Variants in RFPL1 observed in about 807,000 individuals in gnomAD.
RFPL1 encodes ret finger protein like 1.
Under a neutral mutation model 9.6 loss-of-function variants are expected in RFPL1, and 6 were observed. That is an observed-to-expected ratio of 0.62 (90% CI 0.34 to 1.23). RFPL1 has a LOEUF of 1.23. Ranked by LOEUF, RFPL1 falls within the 50% of genes most tolerant of loss-of-function variation. The pLI is 0.03. For missense variants in RFPL1, 352 were observed against 398.4 expected (o/e 0.88, Z 0.99); for synonymous variants, 145 against 149.4 (o/e 0.97, Z 0.22).
At chr22:29,441,805 C>A (rs753907886) in exon 2 of RFPL1, 19 of 1,613,782 alleles carry the variant, frequency 1.2e-5, no homozygotes, top group Non-Finnish European at 1.6e-5. Context: ...GACCACAGAG[C>A]GTGGATTCTG....
At chr22:29,397,822 T>C in the RFPL1 span, among the ~76,000 whole-genome samples, 28 of 152,306 alleles carry the variant, frequency 1.8e-4, no homozygotes, top group Middle Eastern at 3.4e-3. Flanking sequence ...AGCTTCCATC[T>C]GGGGCTGAGC....
At chr22:29,408,094 T>C in the RFPL1 span, among the ~76,000 whole-genome samples, 4 of 152,188 alleles carry the variant, frequency 2.6e-5, no homozygotes, top group African/African-American at 9.7e-5. Context: ...CACTACAATT[T>C]GAAAAACACA....
At chr22:29,436,814 C>T (rs867317844), upstream of RFPL1, 5 of 152,024 alleles carry the variant, frequency 3.3e-5, no homozygotes, top group African/African-American at 7.2e-5. Context: ...TATTTAAAGC[C>T]GACCAAAATT....
chr22:29,430,440 T>C, the RFPL1 span, among the ~76,000 whole-genome samples: 1 of 152,172 alleles, frequency 6.6e-6, no homozygotes, highest in African/African-American at 2.4e-5. Context: ...ATGTATACTT[T>C]TATATTTATA....
At chr22:29,439,970 G>A (rs1033766713) in intron 1 of RFPL1, 3 of 152,276 alleles carry the variant, frequency 2.0e-5, no homozygotes, top group Non-Finnish European at 2.9e-5. Flanking sequence ...CTGTGAGTGG[G>A]GCGAGTTGCA....
chr22:29,411,502 A>G, the RFPL1 span, among the ~76,000 whole-genome samples: 1 of 85,916 alleles, frequency 1.2e-5, no homozygotes. Flanking sequence ...AGTAGGATTC[A>G]TGCATTTTAT....
At chr22:29,427,077 T>A in the RFPL1 span, among the ~76,000 whole-genome samples, 1 of 152,210 alleles carries the variant, frequency 6.6e-6, no homozygotes, top group Non-Finnish European at 1.5e-5. Flanking sequence ...GGGGTGGCTG[T>A]GATTAAGTTC....
chr22:29,390,986 C>T, the RFPL1 span, among the ~76,000 whole-genome samples: 1 of 150,814 alleles, frequency 6.6e-6, no homozygotes, highest in Non-Finnish European at 1.5e-5. Flanking sequence ...CTAAAAAATA[C>T]AAAAAATTAG....
At chr22:29,411,612 T>C in the RFPL1 span, among the ~76,000 whole-genome samples, 4 of 152,042 alleles carry the variant, frequency 2.6e-5, no homozygotes, top group African/African-American at 9.7e-5. Flanking sequence ...CTTGTGTAGA[T>C]ATCTCTAGAA....
chr22:29,437,953 AT>A (rs3044138), upstream of RFPL1: 17,333 of 260,230 alleles, frequency 0.067, 25 homozygotes, highest in South Asian at 0.087. Flanking sequence ...GAAGGATGTG[AT>A]TTTTTTTTTT....
the RFPL1 span, chr22:29,423,137 TG>T: frequency 6.6e-7 from 1 of 1,513,392 alleles, no homozygotes; most frequent in Non-Finnish European, 9.2e-7. Context: ...TTCTTGGTCG[TG>T]GTGAAATATT....
At chr22:29,442,136 A>G in exon 2 of RFPL1, 3 of 1,506,348 alleles carry the variant, frequency 2.0e-6, no homozygotes, top group Non-Finnish European at 2.7e-6. Context: ...CCCACTGCAA[A>G]AAAACAAAAA....
At chr22:29,430,368 G>C in the RFPL1 span, among the ~76,000 whole-genome samples, 2 of 151,944 alleles carry the variant, frequency 1.3e-5, no homozygotes, top group African/African-American at 4.8e-5. Flanking sequence ...TTCAAATCCA[G>C]TGTGCATTTA....
At chr22:29,403,102 C>T in the RFPL1 span, among the ~76,000 whole-genome samples, 1 of 151,944 alleles carries the variant, frequency 6.6e-6, no homozygotes, top group Non-Finnish European at 1.5e-5. Context: ...CCTCTTGGTT[C>T]TTGTTATGTC....
the RFPL1 span, among the ~76,000 whole-genome samples, chr22:29,419,801 CAAAAAAA>C: frequency 1.6e-5 from 1 of 64,124 alleles, no homozygotes; most frequent in Non-Finnish European, 3.2e-5. Context: ...ATCCTCTCTC[CAAAAAAA>C]AAAAAAAAGA....
chr22:29,388,398 G>C, the RFPL1 span: 1 of 152,494 alleles, frequency 6.6e-6, no homozygotes, highest in African/African-American at 2.4e-5. Flanking sequence ...TCTTCTCCTG[G>C]CTCGCCCGGG....
chr22:29,400,546 C>T, the RFPL1 span, among the ~76,000 whole-genome samples: 1 of 152,192 alleles, frequency 6.6e-6, no homozygotes, highest in Admixed American at 6.5e-5. Flanking sequence ...TTAATTCTCC[C>T]TCTCTTCCAA....
exon 1 of RFPL1, chr22:29,438,707 A>G: frequency 2.9e-6 from 4 of 1,362,416 alleles, no homozygotes; most frequent in Non-Finnish European, 4.1e-6. Flanking sequence ...ATCTCTGAAG[A>G]CGGGGGGTGG....
intron 1 of RFPL1, 156 bp from the exon 2 acceptor site, chr22:29,441,386 C>T: frequency 1.3e-6 from 1 of 788,748 alleles, no homozygotes; most frequent in Non-Finnish European, 2.0e-6. Context: ...AGAATTTGAA[C>T]TAGTCAGGGA....
Sources: allele counts gnomAD v4.1 joint callset (sites outside exome capture counted in the v4.1 genomes callset), GRCh38; gene constraint gnomAD v4.1.1; transcripts MANE v1.5; gene names NCBI Gene and HGNC (gene_info 2026-07-23, HGNC 2026-07-21).